GALNT13: variants seen among roughly 807,000 people sequenced by gnomAD.
GALNT13 encodes UDP-GalNAc:polypeptide N-acetylgalactosaminyltransferase 13.
Under a neutral mutation model 64.2 loss-of-function variants are expected in GALNT13, and 28 were observed. The ratio of observed to expected loss-of-function variants is 0.44; its 90% confidence interval spans 0.32 to 0.60. The LOEUF (loss-of-function observed/expected upper bound fraction) is 0.60, where lower values mean the gene tolerates loss of function less well. GALNT13 is among the 20% of genes least tolerant of loss of function. The pLI, the probability that GALNT13 is intolerant of heterozygous loss-of-function variation, is 0.05. For synonymous variants in GALNT13, 214 were observed against 224.6 expected (o/e 0.95, Z 0.42); for missense variants, 577 against 669.8 (o/e 0.86, Z 1.53).
At chr2:153,403,491 T>G in the GALNT13 span, among the ~76,000 whole-genome samples, 142 of 152,258 alleles carry the variant, frequency 9.3e-4, no homozygotes, top group Admixed American at 2.2e-3. Context: ...GTTTACCTAA[T>G]CAAGCCTGGG....
chr2:153,912,658 C>T (rs1689037123), intron 2 of GALNT13, among the ~76,000 whole-genome samples: 1 of 152,130 alleles, frequency 6.6e-6, no homozygotes, highest in South Asian at 2.1e-4. Flanking sequence ...GGATTCATTT[C>T]TGCAAGATTT....
the GALNT13 span, among the ~76,000 whole-genome samples, chr2:153,709,627 A>G: frequency 1.3e-5 from 2 of 152,038 alleles, no homozygotes; most frequent in African/African-American, 4.8e-5. Context: ...TGATTCAGCA[A>G]TCTCACTTTT....
At chr2:153,814,282 T>C in the GALNT13 span, among the ~76,000 whole-genome samples, 1 of 151,960 alleles carries the variant, frequency 6.6e-6, no homozygotes, top group Non-Finnish European at 1.5e-5. Flanking sequence ...CTACTATAAA[T>C]ACAAAAAATT....
In GALNT13 at chr2:154,168,672, TTAAA is replaced by T. The variant is rs1389154760; in HGVS notation, c.311+28168_311+28171del. Among the ~76,000 whole-genome samples the T allele has an allele frequency of 1.0e-3, 119 of 119,006 alleles. 1 individual carries two copies. In the Middle Eastern group the frequency reaches 0.013, roughly 13 times the overall value. 78.1% of individuals were successfully genotyped at this position (119,006 alleles called of 152,430 possible). A position where few individuals can be genotyped will look rare whatever the true frequency, so the allele number is the denominator to read the frequency against. On this transcript the variant is annotated intron_variant, in intron 4 of 12. Coordinates refer to ENST00000392825, the MANE Select transcript of GALNT13 (RefSeq NM_052917.4). ...ACATAGTGAAACCTCATCTCTACTA[TTAAA>T]AAAAAAAAAAAAAAAAAGTAGCCAA...
intron 9 of GALNT13, among the ~76,000 whole-genome samples, chr2:154,326,071 C>T (rs1333395277): frequency 6.6e-6 from 1 of 152,100 alleles, no homozygotes; most frequent in Non-Finnish European, 1.5e-5. Context: ...CAGGCACAGT[C>T]TAAGGCCCCA....
chr2:153,357,809 C>T, the GALNT13 span, among the ~76,000 whole-genome samples: 3 of 152,102 alleles, frequency 2.0e-5, no homozygotes, highest in Admixed American at 6.6e-5. Context: ...TTGAAAGGAA[C>T]AAATTTTAAT....
intron 4 of GALNT13, among the ~76,000 whole-genome samples, chr2:154,213,108 G>A (rs1687866012): frequency 6.6e-6 from 1 of 152,022 alleles, no homozygotes; most frequent in African/African-American, 2.4e-5. Flanking sequence ...TTGTTCATTT[G>A]TCCATTTGTT....
At chr2:153,754,654 A>C in the GALNT13 span, among the ~76,000 whole-genome samples, 1 of 152,078 alleles carries the variant, frequency 6.6e-6, no homozygotes, top group South Asian at 2.1e-4. Context: ...GGGTTAAAGG[A>C]GGGATGATGT....
At chr2:153,638,599 A>G in the GALNT13 span, among the ~76,000 whole-genome samples, 1 of 21,146 alleles carries the variant, frequency 4.7e-5, no homozygotes, top group Non-Finnish European at 1.3e-4. Flanking sequence ...AAGGAGAAGG[A>G]GTGATTGTGA....
intron 3 of GALNT13, among the ~76,000 whole-genome samples, chr2:153,969,396 C>A (rs1209899869): frequency 6.6e-6 from 1 of 151,970 alleles, no homozygotes; most frequent in Non-Finnish European, 1.5e-5. Context: ...AAGACTTATT[C>A]TCCTTTTAGG....
At chr2:153,978,466 C>T (rs867082052) in intron 3 of GALNT13, among the ~76,000 whole-genome samples, 5 of 152,230 alleles carry the variant, frequency 3.3e-5, no homozygotes, top group Middle Eastern at 3.4e-3. Flanking sequence ...TCCTTGAATT[C>T]CCATGTGTTG....
chr2:154,444,215 A>C (rs1056859419), intron 12 of GALNT13, among the ~76,000 whole-genome samples: 9 of 152,110 alleles, frequency 5.9e-5, no homozygotes, highest in African/African-American at 2.2e-4. Flanking sequence ...TTTGCAACAA[A>C]AACAGATATA....
chr2:154,090,792 A>G (rs1701765768), intron 3 of GALNT13, among the ~76,000 whole-genome samples: 1 of 152,016 alleles, frequency 6.6e-6, no homozygotes, highest in South Asian at 2.1e-4. Flanking sequence ...ACAAATATTT[A>G]TATATTTGTG....
the GALNT13 span, among the ~76,000 whole-genome samples, chr2:153,133,067 C>T: frequency 1.6e-4 from 21 of 132,808 alleles, no homozygotes; most frequent in African/African-American, 4.3e-4. Flanking sequence ...GTTTTTGAAA[C>T]GAGAGCGTGT....
intron 3 of GALNT13, among the ~76,000 whole-genome samples, chr2:154,120,804 A>G (rs968655364): frequency 1.3e-5 from 2 of 152,046 alleles, no homozygotes; most frequent in African/African-American, 4.8e-5. Flanking sequence ...GTGCACTGAG[A>G]AGTTGACTTG....
intron 4 of GALNT13, chr2:154,236,149 A>T: frequency 9.0e-7 from 1 of 1,115,542 alleles, no homozygotes; most frequent in South Asian, 2.2e-5. Flanking sequence ...GTGACAGTAA[A>T]TATTGTCTTC....
chr2:154,342,624 T>C (rs1409780381), intron 9 of GALNT13, among the ~76,000 whole-genome samples: 1 of 152,072 alleles, frequency 6.6e-6, no homozygotes, highest in Non-Finnish European at 1.5e-5. Flanking sequence ...ACAACACACA[T>C]GCTTATTTGT....
At chr2:154,028,045 C>G (rs1311699745) in intron 3 of GALNT13, among the ~76,000 whole-genome samples, 3 of 152,088 alleles carry the variant, frequency 2.0e-5, no homozygotes, top group African/African-American at 4.8e-5. Flanking sequence ...ACAGTTAGAG[C>G]TGCGACTGTA....
At chr2:153,891,288 A>C (rs900435566) in intron 1 of GALNT13, among the ~76,000 whole-genome samples, 1 of 152,002 alleles carries the variant, frequency 6.6e-6, no homozygotes, top group African/African-American at 2.4e-5. Context: ...GGTCAGTCAA[A>C]TTTTTATCTG....
Sources: allele counts gnomAD v4.1 joint callset (sites outside exome capture counted in the v4.1 genomes callset), GRCh38; gene constraint gnomAD v4.1.1; transcripts MANE v1.5; gene names NCBI Gene and HGNC (gene_info 2026-07-23, HGNC 2026-07-21).